PAGE2B: variants seen among roughly 807,000 people sequenced by gnomAD.
PAGE2B encodes PAGE family member 2B.
A neutral mutation model predicts 7.6 loss-of-function variants in PAGE2B; 5 were observed. The ratio of observed to expected loss-of-function variants is 0.66; its 90% CI spans 0.34 to 1.38. PAGE2B has a LOEUF of 1.38. PAGE2B is among the 40% of genes most tolerant of loss of function. PAGE2B has a pLI of 0.04. For synonymous variants in PAGE2B, 29 were observed against 26.7 expected (o/e 1.09, Z -0.27); for missense variants, 70 against 78.4 (o/e 0.89, Z 0.41).
At chrX:55,076,275 A>T in intron 2 of PAGE2B, 150 bp downstream of exon 2, 1 of 676,672 alleles carries the variant, frequency 1.5e-6, no homozygotes, top group Non-Finnish European at 2.2e-6. Flanking sequence ...CAGGAATATT[A>T]TATTCTGGTG....
At chrX:55,049,123 T>G in the PAGE2B span, among the ~76,000 whole-genome samples, 1 of 111,800 alleles carries the variant, frequency 8.9e-6, no homozygotes, top group Non-Finnish European at 1.9e-5. Context: ...GATTTGCATA[T>G]GTTGAACCAG....
chrX:55,053,181 T>C, the PAGE2B span, among the ~76,000 whole-genome samples: 6 of 111,972 alleles, frequency 5.4e-5, no homozygotes, highest in African/African-American at 1.6e-4. Context: ...CATGGAATTC[T>C]ATGCAGCCAT....
chrX:55,045,506 C>T, the PAGE2B span, among the ~76,000 whole-genome samples: 1 of 111,227 alleles, frequency 9.0e-6, no homozygotes. Flanking sequence ...AGAATTCTTG[C>T]TGTCAGTCTT....
At chrX:55,069,458 T>G in the PAGE2B span, among the ~76,000 whole-genome samples, 1 of 111,680 alleles carries the variant, frequency 9.0e-6, no homozygotes, top group South Asian at 3.8e-4. Flanking sequence ...TTATTGAGGA[T>G]TTTTGGATCA....
chrX:55,043,983 T>C, the PAGE2B span, among the ~76,000 whole-genome samples: 2 of 106,174 alleles, frequency 1.9e-5, no homozygotes, highest in African/African-American at 6.9e-5. Context: ...ATAATAATAA[T>C]AATAATAATA....
the PAGE2B span, among the ~76,000 whole-genome samples, chrX:55,054,275 G>A: frequency 2.7e-5 from 3 of 111,484 alleles, no homozygotes; most frequent in African/African-American, 9.8e-5. Flanking sequence ...TCACAGTAGC[G>A]ACAATAATGC....
the PAGE2B span, among the ~76,000 whole-genome samples, chrX:55,062,559 C>G: frequency 3.1e-4 from 35 of 111,542 alleles, no homozygotes; most frequent in Non-Finnish European, 4.5e-4. Context: ...TGCCGCTTCA[C>G]TTTGTTGATT....
At chrX:55,041,248 AT>A in the PAGE2B span, among the ~76,000 whole-genome samples, 8 of 107,567 alleles carry the variant, frequency 7.4e-5, no homozygotes, top group African/African-American at 2.7e-4. Flanking sequence ...TGCCCGGCTA[AT>A]TTTTTATGTT....
the PAGE2B span, among the ~76,000 whole-genome samples, chrX:55,063,369 C>T: frequency 1.6e-4 from 18 of 110,646 alleles, no homozygotes; most frequent in Admixed American, 3.9e-4. Context: ...TCTGATTGTT[C>T]GCTGTTAGCA....
At chrX:55,039,610 T>C in the PAGE2B span, among the ~76,000 whole-genome samples, 1 of 111,466 alleles carries the variant, frequency 9.0e-6, no homozygotes, top group African/African-American at 3.3e-5. Flanking sequence ...TCTTTGCTGA[T>C]GCCACATTTT....
At chrX:55,074,031 G>A (rs868465817), upstream of PAGE2B, among the ~76,000 whole-genome samples, 1 of 111,462 alleles carries the variant, frequency 9.0e-6, no homozygotes, top group Middle Eastern at 4.2e-3. Context: ...ACACGTGTCA[G>A]CAATGGAATA....
the PAGE2B span, among the ~76,000 whole-genome samples, chrX:55,035,345 T>C: frequency 1.1e-4 from 12 of 111,808 alleles, no homozygotes; most frequent in African/African-American, 3.9e-4. Flanking sequence ...AGTTTAAAAG[T>C]CCCTAAGGTA....
the PAGE2B span, among the ~76,000 whole-genome samples, chrX:55,032,127 AT>A: frequency 9.0e-6 from 1 of 111,002 alleles, no homozygotes; most frequent in African/African-American, 3.3e-5. Flanking sequence ...TTGTGAGAGC[AT>A]TTTTTTAGAG....
the PAGE2B span, among the ~76,000 whole-genome samples, chrX:55,040,297 C>T: frequency 1.5e-4 from 16 of 109,789 alleles, no homozygotes; most frequent in African/African-American, 5.3e-4. Flanking sequence ...CCCCCTCCCC[C>T]ACCCCACGAC....
upstream of PAGE2B, among the ~76,000 whole-genome samples, chrX:55,072,622 C>T (rs1186535576): frequency 1.8e-5 from 2 of 112,707 alleles, no homozygotes; most frequent in East Asian, 5.6e-4. Context: ...ATCCTCTCTT[C>T]AGAGACGGCG....
chrX:55,049,308 A>C, the PAGE2B span, among the ~76,000 whole-genome samples: 3 of 107,841 alleles, frequency 2.8e-5, no homozygotes, highest in African/African-American at 1.0e-4. Context: ...TATCAGGATG[A>C]TGCTGGCCTC....
chrX:55,036,106 G>C, the PAGE2B span, among the ~76,000 whole-genome samples: 1 of 111,835 alleles, frequency 8.9e-6, no homozygotes, highest in Non-Finnish European at 1.9e-5. Context: ...CTGTTTGTCT[G>C]TTATTTGTGT....
chrX:55,076,031 C>T lies in PAGE2B; in HGVS notation c.-8-3C>T, dbSNP rs199652780. The T allele has an allele frequency of 8.3e-7, 1 of 1,198,548 alleles. No individual in the cohort carries two copies. The highest frequency in any genetic ancestry group is 3.0e-5 in the East Asian group (1 of 33,588). ...TTTCCAAATAACAGTATTCTATTTTCAGTGGGAAATATGAGTGAGCATGTG... is the reference window on the plus strand; with the variant it reads ...TTTCCAAATAACAGTATTCTATTTTTAGTGGGAAATATGAGTGAGCATGTG... On this transcript the variant is annotated splice_polypyrimidine_tract_variant and splice_region_variant and intron_variant, in intron 1 of 4. Coordinates refer to ENST00000374971, the MANE Select transcript of PAGE2B (RefSeq NM_001015038.3).
chrX:55,069,597 G>GT, the PAGE2B span, among the ~76,000 whole-genome samples: 4 of 110,900 alleles, frequency 3.6e-5, no homozygotes, highest in Non-Finnish European at 7.6e-5. Flanking sequence ...TCTATTATTT[G>GT]GAGTAGTTTC....
Sources: allele counts gnomAD v4.1 joint callset (sites outside exome capture counted in the v4.1 genomes callset), GRCh38; gene constraint gnomAD v4.1.1; transcripts MANE v1.5; gene names NCBI Gene and HGNC (gene_info 2026-07-23, HGNC 2026-07-21).